Variants in KCNQ5 observed in about 807,000 individuals in gnomAD.
The protein encoded by KCNQ5 is potassium voltage-gated channel subfamily Q member 5.
KCNQ5 carries 30 observed loss-of-function variants against 98.2 expected under a neutral mutation model. The observed-to-expected ratio is 0.31, with a 90% CI of 0.23 to 0.41. The LOEUF (loss-of-function observed/expected upper bound fraction) is 0.41. Among genes scored for constraint, KCNQ5 ranks in the 10% least tolerant of loss-of-function variants. KCNQ5 has a pLI of 1.00. For synonymous variants in KCNQ5, 458 were observed against 449.4 expected (o/e 1.02, Z -0.24); for missense variants, 835 against 1,182.5 (o/e 0.71, Z 4.31).
Position 73,077,514 on chromosome 6 carries a change from G to T in KCNQ5, c.792+17G>T. The T allele has an allele frequency of 6.3e-7, 1 of 1,592,552 alleles. No individual in the cohort carries two copies. Among genetic ancestry groups the T allele is most frequent in the South Asian group, 1.1e-5 (1 of 87,160 alleles). On this transcript the variant is annotated intron_variant, in intron 4 of 13. Coordinates refer to ENST00000370398, the MANE Select transcript of KCNQ5 (RefSeq NM_019842.4). Reference sequence around the variant, plus strand: ...CACAGCAAGGTAAGATTTGCTCTCTGAATTTAAAAACACAATTTTTGAAAC... The same window carrying T: ...CACAGCAAGGTAAGATTTGCTCTCTTAATTTAAAAACACAATTTTTGAAAC...
At chr6:73,172,145 T>C (rs1284813888) in intron 11 of KCNQ5, among the ~76,000 whole-genome samples, 1 of 152,224 alleles carries the variant, frequency 6.6e-6, no homozygotes, top group Non-Finnish European at 1.5e-5. Context: ...TGTCTATCTT[T>C]TTGTGGATTC....
intron 1 of KCNQ5, among the ~76,000 whole-genome samples, chr6:72,674,769 CTAAA>C (rs999604879): frequency 2.0e-5 from 3 of 151,760 alleles, no homozygotes; most frequent in Non-Finnish European, 2.9e-5. Context: ...GATCCTGTCT[CTAAA>C]TAAATAAATA....
intron 1 of KCNQ5, among the ~76,000 whole-genome samples, chr6:72,911,867 G>T (rs1002012008): frequency 1.3e-5 from 2 of 152,102 alleles, no homozygotes; most frequent in African/African-American, 4.8e-5. Flanking sequence ...CTTCTTTAAA[G>T]ATATTGTACT....
chr6:73,114,450 C>G (rs1222084858), intron 7 of KCNQ5, among the ~76,000 whole-genome samples: 1 of 152,162 alleles, frequency 6.6e-6, no homozygotes, highest in Non-Finnish European at 1.5e-5. Context: ...ACCCCAGAAG[C>G]TTGCAGCAAA....
chr6:72,976,403 C>A (rs1229329149), intron 1 of KCNQ5, among the ~76,000 whole-genome samples: 6 of 152,164 alleles, frequency 3.9e-5, no homozygotes, highest in Non-Finnish European at 8.8e-5. Flanking sequence ...AAAATTTAAA[C>A]CACATAGATT....
chr6:73,162,972 A>G (rs1003071237), intron 10 of KCNQ5, among the ~76,000 whole-genome samples: 2 of 152,174 alleles, frequency 1.3e-5, no homozygotes, highest in Admixed American at 6.5e-5. Context: ...TGCCCTGTCC[A>G]TGGCTGTTAG....
intron 10 of KCNQ5, among the ~76,000 whole-genome samples, chr6:73,139,806 C>G (rs1211040152): frequency 6.6e-6 from 1 of 152,164 alleles, no homozygotes; most frequent in African/African-American, 2.4e-5. Context: ...TGGTACAGTT[C>G]CCTTCCTCTC....
intron 1 of KCNQ5, among the ~76,000 whole-genome samples, chr6:72,811,703 G>A (rs940005774): frequency 1.4e-4 from 22 of 152,112 alleles, no homozygotes; most frequent in Non-Finnish European, 2.5e-4. Flanking sequence ...CCAAGTTCCA[G>A]GTGTCTCTCA....
chr6:72,639,536 G>A (rs1187750045), intron 1 of KCNQ5, among the ~76,000 whole-genome samples: 1 of 152,172 alleles, frequency 6.6e-6, no homozygotes, highest in African/African-American at 2.4e-5. Flanking sequence ...GGTGAGGGGT[G>A]TCCCTGAAAG....
intron 1 of KCNQ5, among the ~76,000 whole-genome samples, chr6:72,859,952 T>C (rs2150151748): frequency 6.7e-6 from 1 of 149,130 alleles, no homozygotes; most frequent in South Asian, 2.1e-4. Flanking sequence ...TATTATGTAA[T>C]CCTATTCACC....
chr6:72,742,826 T>G (rs927918844), intron 1 of KCNQ5, among the ~76,000 whole-genome samples: 2 of 152,188 alleles, frequency 1.3e-5, no homozygotes, highest in Non-Finnish European at 1.5e-5. Context: ...ATGAACATAA[T>G]GTACCCAATA....
At chr6:73,013,909 A>T (rs991479087) in intron 2 of KCNQ5, among the ~76,000 whole-genome samples, 2 of 152,168 alleles carry the variant, frequency 1.3e-5, no homozygotes, top group Non-Finnish European at 1.5e-5. Flanking sequence ...ACAAATGGGT[A>T]TATCAATTCA....
At chr6:72,972,701 T>G (rs1020996779) in intron 1 of KCNQ5, among the ~76,000 whole-genome samples, 26 of 152,172 alleles carry the variant, frequency 1.7e-4, no homozygotes, top group African/African-American at 5.8e-4. Flanking sequence ...TGCTTCTTTG[T>G]ATAAGTGCCT....
intron 10 of KCNQ5, among the ~76,000 whole-genome samples, chr6:73,165,684 C>A (rs1323177974): frequency 6.6e-6 from 1 of 152,168 alleles, no homozygotes; most frequent in Admixed American, 6.5e-5. Flanking sequence ...GTGGTTCACG[C>A]CTGTAATCCC....
chr6:72,951,434 C>A (rs1766800567), intron 1 of KCNQ5, among the ~76,000 whole-genome samples: 1 of 133,940 alleles, frequency 7.5e-6, no homozygotes, highest in Admixed American at 8.2e-5. Context: ...CCAACCACCA[C>A]ACCCAGCAAA....
At chr6:72,623,604 G>C (rs1380365408) in intron 1 of KCNQ5, among the ~76,000 whole-genome samples, 1 of 151,982 alleles carries the variant, frequency 6.6e-6, no homozygotes, top group Non-Finnish European at 1.5e-5. Context: ...GGCATTTTAA[G>C]GTTGTTTTTA....
chr6:72,702,081 G>A (rs763252838), intron 1 of KCNQ5, among the ~76,000 whole-genome samples: 1 of 152,056 alleles, frequency 6.6e-6, no homozygotes, highest in Non-Finnish European at 1.5e-5. Context: ...TAGAGAGAAT[G>A]CTCAACTAAA....
intron 1 of KCNQ5, among the ~76,000 whole-genome samples, chr6:72,928,159 G>A (rs550381830): frequency 6.6e-6 from 1 of 151,974 alleles, no homozygotes; most frequent in African/African-American, 2.4e-5. Flanking sequence ...CTTTAACATG[G>A]GGCAGGTCCT....
At chr6:72,674,566 T>C (rs892903484) in intron 1 of KCNQ5, among the ~76,000 whole-genome samples, 6 of 152,144 alleles carry the variant, frequency 3.9e-5, no homozygotes, top group Non-Finnish European at 7.3e-5. Flanking sequence ...AGCTCAGGGC[T>C]CGTGACCAGC....
Sources: gnomAD v4.1 joint callset for allele counts (sites outside exome capture counted in the v4.1 genomes callset) on GRCh38, gnomAD v4.1.1 for gene constraint, MANE v1.5 for transcripts, NCBI Gene and HGNC (gene_info 2026-07-23, HGNC 2026-07-21) for gene names.